Variants in PRKAR1B observed in about 807,000 individuals in gnomAD.
PRKAR1B encodes protein kinase cAMP-dependent type I regulatory subunit beta.
PRKAR1B carries 22 observed loss-of-function variants against 46.5 expected under a neutral mutation model. The ratio of observed to expected loss-of-function variants is 0.47; its 90% CI spans 0.34 to 0.68. The LOEUF (loss-of-function observed/expected upper bound fraction) is 0.68, where lower values mean the gene tolerates loss of function less well. PRKAR1B is among the 30% of genes least tolerant of loss of function. The pLI, the probability that PRKAR1B is intolerant of heterozygous loss-of-function variation, is 0.01. For missense variants in PRKAR1B, 445 were observed against 535.6 expected, an observed-to-expected ratio of 0.83 and a Z score of 1.67; for synonymous variants, 259 against 217.7, an observed-to-expected ratio of 1.19 and a Z score of -1.67.
At chr7:574,576 C>T (rs953300933) in intron 9 of PRKAR1B, among the ~76,000 whole-genome samples, 2 of 152,066 alleles carry the variant, frequency 1.3e-5, no homozygotes, top group Non-Finnish European at 1.5e-5. Context: ...TCCCAGTAGC[C>T]GGGATTACAG....
At position 666,777 on chromosome 7, in the gene PRKAR1B, G is replaced by C. The variant is rs1785952458; in HGVS notation, c.440+10452C>G. On this transcript the variant is annotated intron_variant, in intron 4 of 10. Coordinates refer to ENST00000537384, the MANE Select transcript of PRKAR1B (RefSeq NM_001164760.2). The surrounding 1 kb of genome is among the most constrained non-coding windows in gnomAD (Gnocchi z 4.9). The stretch of plus-strand genomic sequence containing the variant: ...CAGAGAATGACTCAAGGCTACCCCA[G>C]CCTCTTTCTCAGACCAAGTACTGAG... Among the ~76,000 whole-genome samples the C allele has an allele frequency of 6.6e-6, 1 of 152,214 alleles. No homozygotes were observed. The highest frequency in any genetic ancestry group is 1.5e-5 in the Non-Finnish European group (1 of 68,036).
At chr7:675,860 C>T (rs1323773421) in intron 4 of PRKAR1B, among the ~76,000 whole-genome samples, 10 of 152,098 alleles carry the variant, frequency 6.6e-5, no homozygotes, top group African/African-American at 2.4e-4. Flanking sequence ...GCAGGAGAAT[C>T]GCTTGAACCC....
intron 2 of PRKAR1B, among the ~76,000 whole-genome samples, chr7:687,837 T>C (rs1779173215): frequency 6.6e-6 from 1 of 152,160 alleles, no homozygotes; most frequent in Admixed American, 6.5e-5. Flanking sequence ...GGCTCATGCC[T>C]GTAATCCCAG....
rs545828474 is a variant in PRKAR1B, at chr7:680,846, A to C, written c.178-120T>G. 77 of 1,179,740 alleles carry C rather than the reference A, an allele frequency of 6.5e-5. No individual in the cohort carries two copies. In the South Asian group the frequency reaches 9.8e-4, roughly 15 times the overall value. 73.1% of individuals were successfully genotyped at this position (1,179,740 alleles called of 1,614,324 possible). ...ACTAGTGGGAGGATCGCTTGAACTC[A>C]GGAGTTGGACATACGGTTAGGCTTT... On this transcript the variant is annotated intron_variant, in intron 2 of 10. Coordinates refer to ENST00000537384, the MANE Select transcript of PRKAR1B (RefSeq NM_001164760.2).
chr7:569,758 G>T (rs1296077935), intron 9 of PRKAR1B, among the ~76,000 whole-genome samples: 1 of 152,172 alleles, frequency 6.6e-6, no homozygotes. Context: ...TGGACAGCAG[G>T]CAGGGTGAGG....
chr7:718,318 A>G (rs1183675110), intron 1 of PRKAR1B, among the ~76,000 whole-genome samples: 2 of 145,240 alleles, frequency 1.4e-5, no homozygotes, highest in Non-Finnish European at 3.0e-5. Flanking sequence ...ACATACATAT[A>G]TATGTATGTA....
At chr7:586,864 G>T (rs940710694) in intron 7 of PRKAR1B, among the ~76,000 whole-genome samples, 8 of 151,538 alleles carry the variant, frequency 5.3e-5, no homozygotes, top group Non-Finnish European at 1.2e-4. Context: ...CAATGGTGAA[G>T]GAGGGTCATT....
At chr7:626,432 T>C (rs983961817) in intron 4 of PRKAR1B, among the ~76,000 whole-genome samples, 5 of 152,268 alleles carry the variant, frequency 3.3e-5, no homozygotes, top group Middle Eastern at 6.8e-3. Flanking sequence ...GAGCTGGCAA[T>C]TGCAGTGAGC....
At chr7:571,650 G>T (rs541289371) in intron 9 of PRKAR1B, among the ~76,000 whole-genome samples, 9 of 152,328 alleles carry the variant, frequency 5.9e-5, no homozygotes, top group African/African-American at 2.2e-4. Flanking sequence ...GGATTTTTAC[G>T]GGGAACCGGC....
upstream of PRKAR1B, chr7:727,315 G>A (rs1781364525): frequency 3.9e-6 from 5 of 1,279,332 alleles, no homozygotes; most frequent in Middle Eastern, 3.0e-4. Context: ...GGCCACGCCC[G>A]GTGAGCACCC....
chr7:680,542 CCCGTGAG>C lies in PRKAR1B; in HGVS notation c.348+7_348+13del. 1 of 1,603,232 alleles carries C rather than the reference CCCGTGAG, an allele frequency of 6.2e-7. No individual in the cohort carries two copies. The highest frequency in any genetic ancestry group is 8.5e-7 in the Non-Finnish European group (1 of 1,177,682). ...AGGCCTGGGGACAGGAACCCCGTGA[CCCGTGAG>C]CCTCACCTTCCTGACGTAGGACACG... On this transcript the variant is annotated splice_region_variant and intron_variant, in intron 3 of 10. Coordinates refer to ENST00000537384, the MANE Select transcript of PRKAR1B (RefSeq NM_001164760.2).
At chr7:583,287 A>C (rs1203290020) in intron 8 of PRKAR1B, among the ~76,000 whole-genome samples, 1 of 152,120 alleles carries the variant, frequency 6.6e-6, no homozygotes, top group Non-Finnish European at 1.5e-5. Flanking sequence ...CAGAGAGAAC[A>C]GGGGTCAAAG....
intron 4 of PRKAR1B, among the ~76,000 whole-genome samples, chr7:665,323 C>T (rs1256545608): frequency 2.6e-5 from 4 of 152,218 alleles, no homozygotes; most frequent in Non-Finnish European, 5.9e-5. Context: ...AGCTTCTACT[C>T]CAAGCTGGGT....
intron 4 of PRKAR1B, 79 bp downstream of exon 4, chr7:677,150 G>T: frequency 1.5e-6 from 2 of 1,377,484 alleles, no homozygotes; most frequent in Non-Finnish European, 2.1e-6. Flanking sequence ...TGATGCCCAG[G>T]CAAGTGGCGG....
intron 3 of PRKAR1B, among the ~76,000 whole-genome samples, chr7:677,760 G>A (rs571223341): frequency 3.9e-5 from 6 of 152,280 alleles, no homozygotes; most frequent in African/African-American, 7.2e-5. Flanking sequence ...CACGTGTCAC[G>A]TAATGATGGG....
intron 2 of PRKAR1B, among the ~76,000 whole-genome samples, chr7:704,632 C>G (rs1780221852): frequency 6.6e-6 from 1 of 151,844 alleles, no homozygotes. Flanking sequence ...AAAAATGAGC[C>G]AGGCGCGATG....
chr7:721,321 C>A (rs906952517), intron 1 of PRKAR1B, among the ~76,000 whole-genome samples: 1 of 152,170 alleles, frequency 6.6e-6, no homozygotes, highest in Non-Finnish European at 1.5e-5. Context: ...ATTGTCTCAA[C>A]TTTCTGGAGG....
At chr7:675,210 G>A (rs1448815829) in intron 4 of PRKAR1B, among the ~76,000 whole-genome samples, 3 of 152,276 alleles carry the variant, frequency 2.0e-5, no homozygotes, top group Admixed American at 6.5e-5. Flanking sequence ...GTGCAGATAC[G>A]CACAACAATT....
In PRKAR1B at chr7:596,836, G is replaced by A. The variant is rs527638339; in HGVS notation, c.550-532C>T. 3.9e-3 allele frequency among the ~76,000 whole-genome samples: 588 copies of A among 152,366 alleles called. 17 individuals are homozygous for A. The highest frequency in any genetic ancestry group is 0.034 in the Admixed American group (517 of 15,308). ...CACACCACTGGGCCCCGAAGGAGCCGGGCGGCCTCAAGTGCAGACCTCTCC... is the reference window on the plus strand; with the variant it reads ...CACACCACTGGGCCCCGAAGGAGCCAGGCGGCCTCAAGTGCAGACCTCTCC... On this transcript the variant is annotated intron_variant, in intron 6 of 10. Coordinates refer to ENST00000537384, the MANE Select transcript of PRKAR1B (RefSeq NM_001164760.2).
Sources: allele counts gnomAD v4.1 joint callset (sites outside exome capture counted in the v4.1 genomes callset), GRCh38; gene constraint gnomAD v4.1.1; non-coding constraint Gnocchi (gnomAD v3.1); transcripts MANE v1.5; gene names NCBI Gene and HGNC (gene_info 2026-07-23, HGNC 2026-07-21).